Variants in ACACB observed in about 807,000 individuals in gnomAD.
ACACB encodes the protein acetyl-CoA carboxylase beta.
A neutral mutation model predicts 278.8 loss-of-function variants in ACACB; 209 were observed. That is an observed-to-expected ratio of 0.75 (90% CI 0.67 to 0.84). The LOEUF (loss-of-function observed/expected upper bound fraction) is 0.84. ACACB is among the 40% of genes least tolerant of loss of function. The pLI, the probability that ACACB is intolerant of heterozygous loss-of-function variation, is 0.00. For synonymous variants in ACACB, 1,174 were observed against 1,285.6 expected (o/e 0.91, Z 1.86); for missense variants, 2,850 against 3,269.0 (o/e 0.87, Z 3.13).
chr12:109,173,470 C>CGT (rs1013099404), intron 6 of ACACB, among the ~76,000 whole-genome samples: 27 of 152,284 alleles, frequency 1.8e-4, no homozygotes, highest in African/African-American at 6.0e-4. Flanking sequence ...TGCCCATTGA[C>CGT]GTTTTCTTTG....
chr12:109,265,362 C>G, intron 51 of ACACB, 27 bp from the exon 52 acceptor site: 1 of 1,612,650 alleles, frequency 6.2e-7, no homozygotes, highest in African/African-American at 1.3e-5. Flanking sequence ...GGGTCCCTCT[C>G]TGAGGCATCC....
chr12:109,155,971 C>T (rs1593421455), intron 2 of ACACB, among the ~76,000 whole-genome samples: 1 of 152,138 alleles, frequency 6.6e-6, no homozygotes, highest in African/African-American at 2.4e-5. Flanking sequence ...GTACTTACTG[C>T]CTGACCCTTG....
At chr12:109,208,600 A>G (rs2045591070) in intron 20 of ACACB, among the ~76,000 whole-genome samples, 1 of 152,132 alleles carries the variant, frequency 6.6e-6, no homozygotes, top group Non-Finnish European at 1.5e-5. Context: ...TGGCCCCACT[A>G]TCATCGTCAT....
intron 2 of ACACB, among the ~76,000 whole-genome samples, chr12:109,156,976 G>C (rs7957249): frequency 0.46 from 68,911 of 151,356 alleles, 17,146 homozygotes; most frequent in Middle Eastern, 0.67. Flanking sequence ...TAAGTGGAGA[G>C]TGTTGTACCC....
chr12:109,119,899 G>GA (rs199929608), intron 1 of ACACB, among the ~76,000 whole-genome samples: 169 of 141,172 alleles, frequency 1.2e-3, no homozygotes, highest in African/African-American at 3.5e-3. Context: ...CATCTCAGAA[G>GA]AAAAAAAAAA....
At chr12:109,184,535 A>G (rs530635500) in intron 11 of ACACB, among the ~76,000 whole-genome samples, 1 of 152,214 alleles carries the variant, frequency 6.6e-6, no homozygotes, top group African/African-American at 2.4e-5. Context: ...TTCACATTAA[A>G]TATTTTCCCT....
upstream of ACACB, among the ~76,000 whole-genome samples, chr12:109,112,484 C>A (rs2042324050): frequency 6.6e-6 from 1 of 151,788 alleles, no homozygotes; most frequent in Non-Finnish European, 1.5e-5. Context: ...GGGTGGATCA[C>A]CTGAGGTCGG....
chr12:109,208,303 A>G (rs1289157737), intron 20 of ACACB, among the ~76,000 whole-genome samples: 14 of 150,648 alleles, frequency 9.3e-5, no homozygotes, highest in Non-Finnish European at 1.9e-4. Flanking sequence ...TACAACCTCG[A>G]CCTCTGGGTT....
chr12:109,117,904 G>A (rs1210994602), intron 1 of ACACB, among the ~76,000 whole-genome samples: 4 of 151,996 alleles, frequency 2.6e-5, no homozygotes, highest in Non-Finnish European at 5.9e-5. Context: ...CCACTACCAC[G>A]CCCGGCTAAT....
At position 109,251,932 on chromosome 12, in the gene ACACB, A is replaced by C. The variant is rs1246183190; in HGVS notation, c.5791-114A>C. On this transcript the variant is annotated intron_variant, in intron 41 of 52. Coordinates refer to ENST00000338432, the MANE Select transcript of ACACB (RefSeq NM_001093.4). Reference sequence around the variant, plus strand: ...TGGTTTGGCTCCAAATCGGGTTGCCATTGGTCAAAACATAACTTCCATTTG... The same window carrying C: ...TGGTTTGGCTCCAAATCGGGTTGCCCTTGGTCAAAACATAACTTCCATTTG... 5 of 711,766 alleles carry C rather than the reference A, an allele frequency of 7.0e-6. No homozygotes were observed. In the East Asian group the frequency reaches 1.5e-4, roughly 21 times the overall value. The allele number at this position is 711,766 out of a possible 1,614,324, so 44.1% of individuals were successfully genotyped here.
In ACACB at chr12:109,202,376, G is replaced by A. The variant is rs997005155; in HGVS notation, c.2913+675G>A. Among the ~76,000 whole-genome samples the A allele has an allele frequency of 8.6e-5, 13 of 152,030 alleles. No homozygotes were observed. In the East Asian group the frequency reaches 1.5e-3, roughly 18 times the overall value. On this transcript the variant is annotated intron_variant, in intron 19 of 52. Transcript: ENST00000338432. ...GTCGCCCAGGCTGGAGTGCAGTGGCGTGATCTCGACTCACTGCAACCTCTG... is the reference window on the plus strand; with the variant it reads ...GTCGCCCAGGCTGGAGTGCAGTGGCATGATCTCGACTCACTGCAACCTCTG...
rs1328354331 is a variant in ACACB, at chr12:109,139,978, C to T, written c.573C>T (p.Gly191=). ...CATCTCGTGAGTCTACCCGGAAGGG[C>T]AGCCGGGCCAGCTTGGGGGCCCTGT... ...AGSSRESTRK[G]SRASLGALSL... The change falls in exon 2 of 53, where the codon GGC becomes GGT. Residue 191 remains glycine (G), a synonymous_variant. Coordinates refer to ENST00000338432, the MANE Select transcript of ACACB (RefSeq NM_001093.4). The T allele has an allele frequency of 6.2e-7, 1 of 1,613,552 alleles. No individual in the cohort carries two copies. Among genetic ancestry groups the T allele is most frequent in the Non-Finnish European group, 8.5e-7 (1 of 1,179,996 alleles).
intron 34 of ACACB, among the ~76,000 whole-genome samples, chr12:109,238,433 T>C (rs1170596677): frequency 7.6e-6 from 1 of 132,288 alleles, no homozygotes; most frequent in Non-Finnish European, 1.6e-5. Context: ...TATAATATAT[T>C]ATATAATATA....
chr12:109,227,560 GA>G, intron 28 of ACACB, 71 bp downstream of exon 28: 1 of 1,456,344 alleles, frequency 6.9e-7, no homozygotes, highest in Non-Finnish European at 9.6e-7. Flanking sequence ...CCTGTCTCTG[GA>G]AGGACCTGGC....
chr12:109,234,074 G>A, intron 31 of ACACB, 29 bp downstream of exon 31: 1 of 1,547,688 alleles, frequency 6.5e-7, no homozygotes, highest in Non-Finnish European at 8.8e-7. Flanking sequence ...TGGTTTTGGT[G>A]GGGGTTCTTG....
At chr12:109,237,981 C>T (rs894328721) in intron 34 of ACACB, among the ~76,000 whole-genome samples, 1 of 145,196 alleles carries the variant, frequency 6.9e-6, no homozygotes, top group African/African-American at 2.6e-5. Flanking sequence ...CCTTGTACTT[C>T]AGCCTGGGGG....
intron 22 of ACACB, among the ~76,000 whole-genome samples, chr12:109,216,219 CTTTTTTTT>C (rs1194453989): frequency 7.8e-6 from 1 of 128,148 alleles, no homozygotes; most frequent in African/African-American, 2.8e-5. Context: ...CTCTCTCTCT[CTTTTTTTT>C]TTTTTTTTTT....
At chr12:109,250,568 C>T (rs932799700) in intron 41 of ACACB, among the ~76,000 whole-genome samples, 2 of 152,142 alleles carry the variant, frequency 1.3e-5, no homozygotes, top group Non-Finnish European at 2.9e-5. Context: ...CTTTAACTGG[C>T]ATATAAGGAG....
At chr12:109,236,021 T>A in intron 33 of ACACB, 1 of 181,624 alleles carries the variant, frequency 5.5e-6, no homozygotes, top group Non-Finnish European at 1.2e-5. Flanking sequence ...AAAAAAGAGA[T>A]GGGGTCTCAC....
Sources: gnomAD v4.1 joint callset for allele counts (sites outside exome capture counted in the v4.1 genomes callset) on GRCh38, gnomAD v4.1.1 for gene constraint, MANE v1.5 for transcripts, NCBI Gene and HGNC (gene_info 2026-07-23, HGNC 2026-07-21) for gene names.